Variants in KATNAL2 observed in about 807,000 individuals in gnomAD.
KATNAL2 encodes the protein katanin catalytic subunit A1 like 2.
In KATNAL2, 52 loss-of-function variants were observed where a neutral mutation model predicts 76.3. The ratio of observed to expected loss-of-function variants is 0.68; its 90% CI spans 0.55 to 0.86. KATNAL2 has a LOEUF of 0.86. KATNAL2 is among the 40% of genes least tolerant of loss of function. The pLI is 0.00. For synonymous variants in KATNAL2, 243 were observed against 244.2 expected (o/e 1.00, Z 0.05); for missense variants, 660 against 668.9 (o/e 0.99, Z 0.15).
chr18:46,949,074 T>C (rs1047127846), intron 3 of KATNAL2, among the ~76,000 whole-genome samples: 22 of 151,952 alleles, frequency 1.4e-4, no homozygotes, highest in African/African-American at 5.3e-4. Flanking sequence ...TTTTTCTGTA[T>C]ATTTAGTAGA....
intron 3 of KATNAL2, chr18:47,035,117 T>A: frequency 1.2e-6 from 2 of 1,611,528 alleles, no homozygotes; most frequent in African/African-American, 1.3e-5. Flanking sequence ...ACCGTCTTTC[T>A]GATTCCAGTC....
intron 15 of KATNAL2, among the ~76,000 whole-genome samples, chr18:47,086,090 T>C (rs929716805): frequency 6.6e-6 from 1 of 151,964 alleles, no homozygotes; most frequent in Admixed American, 6.6e-5. Flanking sequence ...TGCAACACCC[T>C]GTCTCTTAAA....
chr18:47,097,154 GTGTA>G (rs1410978028), intron 15 of KATNAL2, among the ~76,000 whole-genome samples: 2 of 150,150 alleles, frequency 1.3e-5, no homozygotes, highest in East Asian at 2.0e-4. Context: ...AACTCTGTGT[GTGTA>G]TGTGTGTGTT....
At position 47,066,971 on chromosome 18, in the gene KATNAL2, C is replaced by T. The variant is rs369130632; in HGVS notation, c.727-50C>T. On this transcript the variant is annotated intron_variant, in intron 10 of 17. Transcript: ENST00000683218. ...TCTGCTGCTCCCAAGTTTATTACAGCTGTAGAGGAAAACATCAGTTTTAAA... is the reference window on the plus strand; with the variant it reads ...TCTGCTGCTCCCAAGTTTATTACAGTTGTAGAGGAAAACATCAGTTTTAAA... 14 of 1,039,040 alleles carry T rather than the reference C, an allele frequency of 1.3e-5. No individual in the cohort carries two copies. In the African/African-American group the frequency reaches 2.1e-4, roughly 15 times the overall value. 64.4% of individuals were successfully genotyped at this position (1,039,040 alleles called of 1,614,324 possible).
chr18:47,025,549 C>G (rs867034554), intron 3 of KATNAL2, among the ~76,000 whole-genome samples: 12 of 148,408 alleles, frequency 8.1e-5, no homozygotes, highest in East Asian at 4.0e-4. Flanking sequence ...GTGTGTGTGT[C>G]TCTTCTGCAG....
At chr18:46,959,734 C>T (rs1021153963) in intron 3 of KATNAL2, among the ~76,000 whole-genome samples, 12 of 152,062 alleles carry the variant, frequency 7.9e-5, no homozygotes, top group South Asian at 2.1e-4. Flanking sequence ...CCACCATGCC[C>T]GGCTAATTTT....
chr18:47,053,751 C>G lies in KATNAL2; in HGVS notation c.290-645C>G, dbSNP rs1360917090. 3.3e-5 allele frequency among the ~76,000 whole-genome samples: 5 copies of G among 152,178 alleles called. No individual in the cohort carries two copies. The East Asian group carries it at 9.6e-4, about 29-fold the overall frequency. On this transcript the variant is annotated intron_variant, in intron 5 of 17. Coordinates refer to ENST00000683218, the MANE Select transcript of KATNAL2 (RefSeq NM_001387690.1). The stretch of plus-strand genomic sequence containing the variant: ...AACATCAATTTAAAATAGCCAGGGC[C>G]AGATCTCAGAGCTAGAAAAGGTCAA...
chr18:46,961,938 G>C (rs550748315), intron 3 of KATNAL2, among the ~76,000 whole-genome samples: 25 of 152,184 alleles, frequency 1.6e-4, no homozygotes, highest in Admixed American at 1.6e-3. Context: ...GTTTTTAAGA[G>C]CTACACACTT....
At chr18:47,064,032 G>T (rs530294771) in intron 10 of KATNAL2, among the ~76,000 whole-genome samples, 6 of 152,106 alleles carry the variant, frequency 3.9e-5, no homozygotes, top group South Asian at 4.1e-4. Context: ...CTCAGAGGGG[G>T]GTTTAAAATG....
chr18:47,098,527 G>C (rs1314384571), intron 15 of KATNAL2: 1 of 157,206 alleles, frequency 6.4e-6, no homozygotes, highest in African/African-American at 2.4e-5. Flanking sequence ...CCCACAACAC[G>C]TGGGAATTAT....
rs542433670 is a variant in KATNAL2 at position 47,071,504 on chromosome 18, CT to C, written c.1008+1914del. ...ACTAGAATTCTTATCACCCTGAAGT[CT>C]TTTTTTTTTAAATATCATTTCTATA... On this transcript the variant is annotated intron_variant, in intron 13 of 17. Transcript: ENST00000683218. Among the ~76,000 whole-genome samples, 694 of 149,064 alleles carry C rather than the reference CT, an allele frequency of 4.7e-3. 3 individuals carry two copies. The highest frequency in any genetic ancestry group is 0.016 in the African/African-American group (649 of 40,764).
At chr18:46,954,012 G>A (rs1218882681) in intron 3 of KATNAL2, among the ~76,000 whole-genome samples, 1 of 152,120 alleles carries the variant, frequency 6.6e-6, no homozygotes. Flanking sequence ...GGAAGACTTT[G>A]TGGGGGTGAA....
intron 15 of KATNAL2, among the ~76,000 whole-genome samples, chr18:47,094,782 C>T (rs1409282739): frequency 6.6e-6 from 1 of 152,214 alleles, no homozygotes; most frequent in Non-Finnish European, 1.5e-5. Context: ...TATCTCATTG[C>T]TTCAGTACAG....
chr18:47,052,126 A>G (rs1379608734), intron 4 of KATNAL2, among the ~76,000 whole-genome samples: 3 of 152,228 alleles, frequency 2.0e-5, no homozygotes, highest in African/African-American at 4.8e-5. Context: ...ACTAAAATTT[A>G]AGACCTGGAG....
chr18:47,066,845 G>GTGTTTATA (rs1240454025), intron 10 of KATNAL2, among the ~76,000 whole-genome samples, 176 bp from the exon 11 acceptor site: 1 of 25,408 alleles, frequency 3.9e-5, no homozygotes, highest in Non-Finnish European at 8.3e-5. Context: ...GTATATATGT[G>GTGTTTATA]TTTATATATA....
intron 3 of KATNAL2, 142 bp downstream of exon 3, chr18:46,947,065 A>G: frequency 1.5e-6 from 1 of 681,606 alleles, no homozygotes; most frequent in Non-Finnish European, 2.6e-6. Context: ...CGCTCGGCCG[A>G]GGTGGTTAAA....
At chr18:47,073,813 A>T (rs2147226109) in intron 13 of KATNAL2, among the ~76,000 whole-genome samples, 1 of 152,274 alleles carries the variant, frequency 6.6e-6, no homozygotes, top group African/African-American at 2.4e-5. Flanking sequence ...TTTTAGACTA[A>T]TGCTTCCAGA....
intron 3 of KATNAL2, among the ~76,000 whole-genome samples, chr18:46,952,301 C>G (rs1348822844): frequency 6.6e-6 from 1 of 151,874 alleles, no homozygotes; most frequent in African/African-American, 2.4e-5. Flanking sequence ...TTTCAAACCC[C>G]TGGCCTCAAG....
intron 3 of KATNAL2, among the ~76,000 whole-genome samples, chr18:46,961,165 T>C (rs2059930816): frequency 6.6e-6 from 1 of 152,196 alleles, no homozygotes. Context: ...TTTTTTTCTT[T>C]AACTACAAGG....
Sources: allele counts gnomAD v4.1 joint callset (sites outside exome capture counted in the v4.1 genomes callset), GRCh38; gene constraint gnomAD v4.1.1; transcripts MANE v1.5; gene names NCBI Gene and HGNC (gene_info 2026-07-23, HGNC 2026-07-21).